MED12L: variants seen among roughly 807,000 people sequenced by gnomAD.
MED12L encodes the protein mediator of RNA polymerase II transcription subunit 12-like protein.
MED12L carries 60 observed loss-of-function variants against 281.3 expected under a neutral mutation model. That is an observed-to-expected ratio of 0.21 (90% confidence interval 0.17 to 0.26). The LOEUF (loss-of-function observed/expected upper bound fraction) is 0.26, where lower values mean the gene tolerates loss of function less well. MED12L is among the 10% of genes least tolerant of loss of function. MED12L has a pLI of 1.00. For missense variants in MED12L, 2,146 were observed against 2,680.9 expected (o/e 0.80, Z 4.41); for synonymous variants, 974 against 987.2 (o/e 0.99, Z 0.25).
At chr3:151,117,817 G>T (rs73014809) in intron 3 of MED12L, among the ~76,000 whole-genome samples, 2 of 151,784 alleles carry the variant, frequency 1.3e-5, no homozygotes, top group South Asian at 4.2e-4. Context: ...ATAGGCTGGC[G>T]TGGTGGCTCA....
In MED12L at chr3:151,086,956, G is replaced by C; in HGVS notation, c.30G>C (p.Glu10Asp). 6.2e-7 allele frequency: 1 copy of C among 1,608,794 alleles called. No individual in the cohort carries two copies. Among genetic ancestry groups the C allele is most frequent in the East Asian group, 2.2e-5 (1 of 44,656 alleles). The change falls in exon 2 of 45, where the codon GAG (glutamate) becomes GAC (aspartate). Residue 10 changes from glutamate to aspartate, a missense_variant. Coordinates refer to ENST00000687756, the MANE Select transcript of MED12L (RefSeq NM_001393769.1). ...CCGCCTTCGGGCTTCTCAGCTATGAGCAGAGACCGCTGAAGCGCCCCCGGC... is the reference window on the plus strand; with the variant it reads ...CCGCCTTCGGGCTTCTCAGCTATGACCAGAGACCGCTGAAGCGCCCCCGGC... MAAFGLLSYEQRPLKRPRLG... is the reference protein window; with the variant it reads MAAFGLLSYDQRPLKRPRLG...
intron 16 of MED12L, among the ~76,000 whole-genome samples, chr3:151,323,066 T>C (rs1354645842): frequency 2.0e-5 from 3 of 152,292 alleles, no homozygotes; most frequent in East Asian, 3.9e-4. Flanking sequence ...AAATCAACCC[T>C]CAATTCGAGG....
intron 16 of MED12L, among the ~76,000 whole-genome samples, chr3:151,287,080 G>A (rs1042170026): frequency 1.3e-5 from 2 of 152,030 alleles, no homozygotes; most frequent in African/African-American, 4.8e-5. Flanking sequence ...GTCGGGTGCT[G>A]GTATGTAGGG....
chr3:151,246,255 A>G (rs1176660630), intron 16 of MED12L, among the ~76,000 whole-genome samples: 1 of 152,182 alleles, frequency 6.6e-6, no homozygotes, highest in African/African-American at 2.4e-5. Context: ...TTCTTCACAG[A>G]ATTGGAAAAA....
Position 151,365,934 on chromosome 3 carries a change from T to C in MED12L, c.3270T>C (p.Ala1090=), listed in dbSNP as rs1225112460. 4 of 1,613,402 alleles carry C rather than the reference T, an allele frequency of 2.5e-6. No individual in the cohort carries two copies. The highest frequency in any genetic ancestry group is 3.4e-6 in the Non-Finnish European group (4 of 1,179,590). The change falls in exon 23 of 45, where the codon GCT becomes GCC. Residue 1090 remains alanine (A), a synonymous_variant. Transcript: ENST00000687756. ...CAGAATGGCTGGGGGTTCTGAAGGC[T>C]CTTTGTTGTTCTTCAAATCACGTGT... is the stretch of plus-strand genomic sequence containing the variant. ...LSSEWLGVLK[A]LCCSSNHVWG... is the part of the protein sequence containing the mutation.
chr3:151,294,418 A>G (rs1365025460), intron 16 of MED12L: 3 of 1,613,976 alleles, frequency 1.9e-6, no homozygotes, highest in Non-Finnish European at 1.7e-6. Flanking sequence ...AGTGACTAAA[A>G]GTAAAAGGAA....
At chr3:151,295,255 A>C (rs1183842102) in intron 16 of MED12L, 20 of 1,356,452 alleles carry the variant, frequency 1.5e-5, no homozygotes, top group Non-Finnish European at 2.0e-5. Context: ...CTTGGCAAGC[A>C]TGCCCACAGG....
intron 39 of MED12L, among the ~76,000 whole-genome samples, chr3:151,406,006 T>C (rs947426704): frequency 6.6e-6 from 1 of 152,244 alleles, no homozygotes; most frequent in African/African-American, 2.4e-5. Flanking sequence ...GAGCACTTAC[T>C]ATATGTGCTA....
intron 16 of MED12L, among the ~76,000 whole-genome samples, chr3:151,227,131 G>A (rs16863269): frequency 0.02 from 3,043 of 152,284 alleles, 88 homozygotes; most frequent in African/African-American, 0.069. Context: ...TAGAATCCAG[G>A]TCAGTGACCA....
chr3:151,220,668 C>T (rs1729167194), intron 16 of MED12L, among the ~76,000 whole-genome samples: 1 of 152,184 alleles, frequency 6.6e-6, no homozygotes, highest in African/African-American at 2.4e-5. Flanking sequence ...CTTCTCTTGT[C>T]TGCTGCCATG....
chr3:151,368,160 T>G lies in MED12L; in HGVS notation c.3459T>G (p.Asp1153Glu), dbSNP rs759086007. 3.7e-6 allele frequency: 6 copies of G among 1,613,992 alleles called. No homozygotes were observed. Among genetic ancestry groups the G allele is most frequent in the Non-Finnish European group, 3.4e-6 (4 of 1,179,918 alleles). The change falls in exon 25 of 45, where the codon GAT (aspartate) becomes GAG (glutamate). Residue 1153 changes from aspartate (D) to glutamate (E), a missense_variant. By Grantham distance (45) the Asp-to-Glu change is conservative (BLOSUM62 2). Around this residue, in one of 9 missense-constraint regions of MED12L, gnomAD observed 404 missense variants for 603.5 expected, o/e 0.67. Coordinates refer to ENST00000687756, the MANE Select transcript of MED12L (RefSeq NM_001393769.1). Reference protein sequence around the residue: ...LPSLLAAACGDADAEPGARMT... With the variant: ...LPSLLAAACGEADAEPGARMT... ...ATCCCCCTTTCCTAGCTTGTGGGGA[T>G]GCGGACGCCGAGCCTGGGGCGAGAA...
At chr3:151,314,305 A>C (rs929038796) in intron 16 of MED12L, among the ~76,000 whole-genome samples, 1 of 152,248 alleles carries the variant, frequency 6.6e-6, no homozygotes, top group East Asian at 1.9e-4. Context: ...CAAATATTCT[A>C]TTCTGCCTGT....
rs1215536136 is a variant in MED12L at position 151,435,588 on chromosome 3, G to A, written c.*2784G>A. The A allele has an allele frequency of 6.6e-6, 1 of 150,676 alleles. No homozygotes were observed. The highest frequency in any genetic ancestry group is 1.5e-5 in the Non-Finnish European group (1 of 67,812). The allele number at this position is 150,676 out of a possible 1,614,324, so 9.3% of individuals were successfully genotyped here. Reference sequence around the variant, plus strand: ...GTGCACTGAGATATCTAAGACCTATGGCATTTTTTTCCCATTTATAAAGCT... The same window carrying A: ...GTGCACTGAGATATCTAAGACCTATAGCATTTTTTTCCCATTTATAAAGCT... On this transcript the variant is annotated 3_prime_UTR_variant, in exon 45 of 45. Coordinates refer to ENST00000687756, the MANE Select transcript of MED12L (RefSeq NM_001393769.1).
At chr3:151,272,556 C>G (rs1027272138) in intron 16 of MED12L, among the ~76,000 whole-genome samples, 1 of 152,128 alleles carries the variant, frequency 6.6e-6, no homozygotes, top group Non-Finnish European at 1.5e-5. Flanking sequence ...TAGATTATAT[C>G]CTGTTTTTCA....
At chr3:151,409,132 T>C in intron 39 of MED12L, 111 bp from the exon 40 acceptor site, 1 of 747,334 alleles carries the variant, frequency 1.3e-6, no homozygotes, top group African/African-American at 1.8e-5. Context: ...AATCTTTGAG[T>C]TCTTTATCCA....
chr3:151,328,904 T>G, intron 16 of MED12L: 1 of 1,613,912 alleles, frequency 6.2e-7, no homozygotes, highest in Non-Finnish European at 8.5e-7. Flanking sequence ...AACCACTGTG[T>G]AGAGGGCTGG....
chr3:151,141,238 G>A (rs977207803), intron 5 of MED12L, among the ~76,000 whole-genome samples: 3 of 137,140 alleles, frequency 2.2e-5, no homozygotes, highest in African/African-American at 8.8e-5. Context: ...TGGCCAGGCT[G>A]GTCTCGAAAT....
At chr3:151,426,265 T>G (rs1240652848) in intron 43 of MED12L, among the ~76,000 whole-genome samples, 1 of 151,786 alleles carries the variant, frequency 6.6e-6, no homozygotes, top group African/African-American at 2.4e-5. Context: ...TAGAGAGGAG[T>G]CCCGGGAGGA....
chr3:151,185,239 A>C, intron 11 of MED12L, 91 bp from the exon 12 acceptor site: 1 of 1,256,500 alleles, frequency 8.0e-7, no homozygotes, highest in Non-Finnish European at 1.1e-6. Flanking sequence ...AAAAGCTTTA[A>C]AGTGTTAGAT....
Sources: allele counts gnomAD v4.1 joint callset (sites outside exome capture counted in the v4.1 genomes callset), GRCh38; gene constraint gnomAD v4.1.1; regional missense constraint gnomAD v4.1.1; transcripts MANE v1.5; gene names NCBI Gene and HGNC (gene_info 2026-07-23, HGNC 2026-07-21).